GAS7: variants seen among roughly 807,000 people sequenced by gnomAD.
GAS7 encodes the protein growth arrest-specific protein 7.
Under a neutral mutation model 71.1 loss-of-function variants are expected in GAS7, and 28 were observed. The observed-to-expected ratio is 0.39, with a 90% confidence interval of 0.29 to 0.54. The LOEUF (loss-of-function observed/expected upper bound fraction) is 0.54, where lower values mean the gene tolerates loss of function less well. GAS7 is among the 20% of genes least tolerant of loss of function. The pLI is 0.62. For synonymous variants in GAS7, 258 were observed against 245.8 expected, an observed-to-expected ratio of 1.05 and a Z score of -0.46; for missense variants, 436 against 627.8, an observed-to-expected ratio of 0.69 and a Z score of 3.27.
rs2072974623 is a variant in GAS7 at position 10,046,837 on chromosome 17, G to GA, written c.184-26941dup. 1.9e-4 allele frequency among the ~76,000 whole-genome samples: 20 copies of GA among 107,638 alleles called. 1 individual carries two copies. The highest frequency in any genetic ancestry group is 8.5e-4 in the African/African-American group (19 of 22,300). The allele number at this position is 107,638 out of a possible 152,430, so 70.6% of individuals were successfully genotyped here. On this transcript the variant is annotated intron_variant, in intron 1 of 13. Coordinates refer to ENST00000432992, the MANE Select transcript of GAS7 (RefSeq NM_201433.2). ...GGAAGGAAGGAAGGAAGGAAGGAAG[G>GA]AAGGAAGGAAAGAAAAGAAAAGAAA...
chr17:10,008,597 CGTAA>C (rs1247319624), intron 2 of GAS7, among the ~76,000 whole-genome samples: 1 of 152,020 alleles, frequency 6.6e-6, no homozygotes, highest in African/African-American at 2.4e-5. Context: ...GTGTTATGCA[CGTAA>C]GTATTACCTA....
At chr17:9,932,131 GAC>G (rs10543505) in intron 9 of GAS7, among the ~76,000 whole-genome samples, 1,899 of 151,768 alleles carry the variant, frequency 0.013, 53 homozygotes, top group African/African-American at 0.043. Context: ...ATGGTGGGAG[GAC>G]AGAGGGAAGA....
intron 9 of GAS7, among the ~76,000 whole-genome samples, chr17:9,927,273 A>AC (rs374612126): frequency 2.9e-4 from 42 of 143,128 alleles, no homozygotes; most frequent in African/African-American, 9.6e-4. Flanking sequence ...ACATGGTGAA[A>AC]CCCCATCTCT....
At chr17:10,082,173 C>T (rs929945855) in intron 1 of GAS7, among the ~76,000 whole-genome samples, 1 of 152,116 alleles carries the variant, frequency 6.6e-6, no homozygotes, top group Non-Finnish European at 1.5e-5. Context: ...CAAAACAAGA[C>T]ATTGCTAAAC....
At chr17:9,936,409 C>T (rs1424100645) in intron 8 of GAS7, among the ~76,000 whole-genome samples, 1 of 152,108 alleles carries the variant, frequency 6.6e-6, no homozygotes, top group Non-Finnish European at 1.5e-5. Context: ...GGTAAATGGC[C>T]CAGGGACAGT....
chr17:9,958,989 A>T, intron 5 of GAS7: 1 of 1,416,902 alleles, frequency 7.1e-7, no homozygotes, highest in Non-Finnish European at 9.2e-7. Context: ...CCACTTGTTC[A>T]CCAGGAGAGA....
At chr17:9,942,333 T>C (rs1329264553) in intron 7 of GAS7, among the ~76,000 whole-genome samples, 1 of 151,858 alleles carries the variant, frequency 6.6e-6, no homozygotes, top group African/African-American at 2.4e-5. Context: ...AGTTGTGTGT[T>C]TGTGTGTGTG....
At chr17:10,127,910 TA>T (rs1452992154) in intron 1 of GAS7, among the ~76,000 whole-genome samples, 20 of 152,184 alleles carry the variant, frequency 1.3e-4, no homozygotes, top group African/African-American at 4.3e-4. Context: ...TCGGGCCACA[TA>T]AGCTCTCAAC....
rs116617116 is a variant in GAS7, at chr17:10,149,066, A to G, written c.183+49142T>C. ...GGCATGTCAGCCTAAATAGAAGAGG[A>G]TCCATTTTTGTTCATTTTTATGTAT... On this transcript the variant is annotated intron_variant, in intron 1 of 13. Transcript: ENST00000432992. 7.5e-3 allele frequency among the ~76,000 whole-genome samples: 1,140 copies of G among 152,136 alleles called. 17 individuals carry two copies. Among genetic ancestry groups the G allele is most frequent in the African/African-American group, 0.027 (1,101 of 41,486 alleles).
In GAS7 at chr17:9,914,760, A is replaced by T. The variant is rs1285592734; in HGVS notation, c.*2468T>A. ...TCTTCTCAGTCGACATGGAGAATAG[A>T]GGAGAGCAGAGGAATGCCCATCTTA... On this transcript the variant is annotated 3_prime_UTR_variant, in exon 14 of 14. Coordinates refer to ENST00000432992, the MANE Select transcript of GAS7 (RefSeq NM_201433.2). The T allele has an allele frequency of 4.4e-6, 1 of 226,344 alleles. No homozygotes were observed. The highest frequency in any genetic ancestry group is 8.8e-6 in the Non-Finnish European group (1 of 113,858). The allele number at this position is 226,344 out of a possible 1,614,324, so 14.0% of individuals were successfully genotyped here.
intron 1 of GAS7, among the ~76,000 whole-genome samples, chr17:10,155,694 T>A (rs2074200322): frequency 6.6e-6 from 1 of 152,190 alleles, no homozygotes; most frequent in South Asian, 2.1e-4. Context: ...CTCAGTCCTC[T>A]CCTGTTCAGA....
At chr17:9,939,735 A>G (rs933227237) in intron 8 of GAS7, among the ~76,000 whole-genome samples, 3 of 151,712 alleles carry the variant, frequency 2.0e-5, no homozygotes, top group Non-Finnish European at 4.4e-5. Context: ...TCAGCCTCCC[A>G]AGTAGCTGGG....
chr17:10,029,853 A>G (rs1193068761), intron 1 of GAS7, among the ~76,000 whole-genome samples: 1 of 151,324 alleles, frequency 6.6e-6, no homozygotes, highest in African/African-American at 2.4e-5. Context: ...CTCCGTCTCA[A>G]AAAAAAAACA....
intron 1 of GAS7, among the ~76,000 whole-genome samples, chr17:10,151,536 C>A (rs1445185779): frequency 6.6e-6 from 1 of 151,990 alleles, no homozygotes; most frequent in Non-Finnish European, 1.5e-5. Context: ...AATCTACGTA[C>A]CTACCTACCA....
At chr17:10,037,606 A>C (rs2072779460) in intron 1 of GAS7, among the ~76,000 whole-genome samples, 1 of 152,108 alleles carries the variant, frequency 6.6e-6, no homozygotes, top group South Asian at 2.1e-4. Context: ...GTCAGACCAG[A>C]GCTAAGCTGT....
At chr17:10,052,907 C>G (rs1457144402) in intron 1 of GAS7, among the ~76,000 whole-genome samples, 1 of 152,218 alleles carries the variant, frequency 6.6e-6, no homozygotes, top group Non-Finnish European at 1.5e-5. Flanking sequence ...AAGCGGCCTT[C>G]ATCCCTTACT....
intron 3 of GAS7, among the ~76,000 whole-genome samples, chr17:9,971,835 C>CACCA (rs2069977924): frequency 6.6e-6 from 1 of 152,176 alleles, no homozygotes; most frequent in South Asian, 2.1e-4. Context: ...TGAAAGTTAC[C>CACCA]ACCAACACCT....
intron 11 of GAS7, among the ~76,000 whole-genome samples, chr17:9,924,415 C>T (rs1331141678): frequency 6.6e-6 from 1 of 152,086 alleles, no homozygotes; most frequent in East Asian, 1.9e-4. Flanking sequence ...TCAACTGATC[C>T]TCCTGCCTCA....
chr17:10,062,898 C>T (rs906031363), intron 1 of GAS7, among the ~76,000 whole-genome samples: 5 of 152,200 alleles, frequency 3.3e-5, no homozygotes, highest in Admixed American at 1.3e-4. Flanking sequence ...TGTGGGTAGC[C>T]GAGCAGTCCT....
Sources: gnomAD v4.1 joint callset for allele counts (sites outside exome capture counted in the v4.1 genomes callset) on GRCh38, gnomAD v4.1.1 for gene constraint, MANE v1.5 for transcripts, NCBI Gene and HGNC (gene_info 2026-07-23, HGNC 2026-07-21) for gene names.